The following TEX36 variants were observed in gnomAD, a reference collection of about 807,000 sequenced individuals.
The protein encoded by TEX36 is testis expressed 36.
TEX36 carries 12 observed loss-of-function variants against 13.6 expected under a neutral mutation model. The observed-to-expected ratio is 0.88, with a 90% CI of 0.56 to 1.43. TEX36 has a LOEUF of 1.43. Among genes scored for constraint, TEX36 ranks in the 40% most tolerant of loss-of-function variants. The pLI is 0.00. For synonymous variants in TEX36, 93 were observed against 83.0 expected, an observed-to-expected ratio of 1.12 and a Z score of -0.65; for missense variants, 224 against 228.3, an observed-to-expected ratio of 0.98 and a Z score of 0.12.
chr10:125,576,734 T>C, exon 4 of TEX36: 1 of 1,534,614 alleles, frequency 6.5e-7, no homozygotes, highest in Non-Finnish European at 8.7e-7. Flanking sequence ...TGACAGAAAC[T>C]TGCTCCCAAA....
Position 125,656,249 on chromosome 10 carries a change from C to CTTTT in TEX36, c.265-57_265-54dup, listed in dbSNP as rs66461124. The CTTTT allele has an allele frequency of 1.1e-3, 281 of 262,526 alleles. 1 individual carries two copies. The highest frequency in any genetic ancestry group is 1.6e-3 in the Middle Eastern group (1 of 622). 16.3% of individuals were successfully genotyped at this position (262,526 alleles called of 1,614,324 possible). On this transcript the variant is annotated intron_variant, in intron 3 of 3. Transcript: ENST00000368821. ...GGAAAATATTCAAGTTCACATAGTT[C>CTTTT]TTTTTTTTTTTTTTTTTTTTTTTTT...
At chr10:125,648,285 G>A (rs1446367772) in intron 3 of TEX36, among the ~76,000 whole-genome samples, 1 of 152,182 alleles carries the variant, frequency 6.6e-6, no homozygotes, top group Admixed American at 6.5e-5. Flanking sequence ...ATACAGTTGG[G>A]TGCCCCTCTG....
intron 3 of TEX36, chr10:125,640,234 G>A (rs908636023): frequency 1.0e-6 from 1 of 984,236 alleles, no homozygotes; most frequent in Admixed American, 6.2e-5. Context: ...AGGAGGAGAG[G>A]AAGAAGGGAA....
downstream of TEX36, among the ~76,000 whole-genome samples, chr10:125,655,211 G>A (rs996629789): frequency 3.2e-4 from 48 of 152,136 alleles, no homozygotes; most frequent in Admixed American, 2.1e-3. Context: ...TTGGGAGGCC[G>A]AGGTGGGAGG....
At chr10:125,586,636 A>AT (rs1845954213) in intron 3 of TEX36, among the ~76,000 whole-genome samples, 1 of 31,922 alleles carries the variant, frequency 3.1e-5, no homozygotes, top group Admixed American at 3.4e-4. Context: ...CTAAAAATCC[A>AT]AAAAAAAAAA....
intron 3 of TEX36, among the ~76,000 whole-genome samples, chr10:125,658,562 G>T (rs930532584): frequency 9.2e-5 from 14 of 151,924 alleles, no homozygotes; most frequent in African/African-American, 3.1e-4. Context: ...ACCAACAGGG[G>T]GGAATATATA....
Position 125,593,868 on chromosome 10 carries a change from T to C in TEX36, c.265-16994A>G, listed in dbSNP as rs887462414. 2.0e-5 allele frequency among the ~76,000 whole-genome samples: 3 copies of C among 152,326 alleles called. No homozygotes were observed. The East Asian group carries it at 5.8e-4, about 29-fold the overall frequency. The stretch of plus-strand genomic sequence containing the variant: ...TGATTGCACAATAATGTGAATATAC[T>C]TAAGGCCACTGGATTATACACTTAA... On this transcript the variant is annotated intron_variant, in intron 3 of 3. Coordinates refer to the TEX36 transcript ENST00000532135.
At chr10:125,628,597 T>C (rs1846515665) in intron 3 of TEX36, among the ~76,000 whole-genome samples, 1 of 152,200 alleles carries the variant, frequency 6.6e-6, no homozygotes, top group African/African-American at 2.4e-5. Flanking sequence ...AGGAAGGAAG[T>C]GTGGAATGGA....
exon 4 of TEX36, chr10:125,576,639 G>T (rs1487520202): frequency 8.9e-6 from 12 of 1,347,188 alleles, no homozygotes; most frequent in Non-Finnish European, 1.1e-5. Flanking sequence ...AAATCCTGGT[G>T]GTTACTAACT....
intron 3 of TEX36, among the ~76,000 whole-genome samples, chr10:125,591,806 C>T (rs1368532): frequency 0.42 from 63,581 of 151,900 alleles, 13,578 homozygotes; most frequent in East Asian, 0.62. Context: ...ACTCTGCTCT[C>T]GTCAACTTTT....
chr10:125,610,085 G>A (rs1354316629), intron 3 of TEX36, among the ~76,000 whole-genome samples: 1 of 152,210 alleles, frequency 6.6e-6, no homozygotes, highest in African/African-American at 2.4e-5. Context: ...GCAATAGCTG[G>A]AAGTTATCCT....
intron 3 of TEX36, among the ~76,000 whole-genome samples, chr10:125,631,632 G>GA (rs1238966457): frequency 6.6e-6 from 1 of 152,182 alleles, no homozygotes; most frequent in East Asian, 1.9e-4. Context: ...GATTGCACCT[G>GA]GGTCTTGAAT....
At chr10:125,626,492 C>T (rs1846492292) in intron 3 of TEX36, among the ~76,000 whole-genome samples, 1 of 152,196 alleles carries the variant, frequency 6.6e-6, no homozygotes, top group Non-Finnish European at 1.5e-5. Context: ...TTCATTTACT[C>T]CTCATCCAAC....
intron 3 of TEX36, among the ~76,000 whole-genome samples, chr10:125,639,091 A>T (rs1231087242): frequency 6.6e-6 from 1 of 152,234 alleles, no homozygotes; most frequent in East Asian, 1.9e-4. Flanking sequence ...AAAGAATTCA[A>T]ATGAATTCCT....
chr10:125,632,146 C>T (rs1846565121), intron 3 of TEX36, among the ~76,000 whole-genome samples: 1 of 151,946 alleles, frequency 6.6e-6, no homozygotes, highest in Non-Finnish European at 1.5e-5. Context: ...AGGCTTGGGG[C>T]TTTGGTGACT....
chr10:125,603,936 T>G (rs141942768), intron 3 of TEX36, among the ~76,000 whole-genome samples: 2 of 152,252 alleles, frequency 1.3e-5, no homozygotes, highest in East Asian at 3.9e-4. Context: ...GCTCTTGTAC[T>G]GCACTGTAAG....
rs529008277 is a variant in TEX36 at position 125,667,095 on chromosome 10, G to A, written c.52-5118C>T. 82 of 1,020,158 alleles carry A rather than the reference G, an allele frequency of 8.0e-5. 1 individual carries two copies. The highest frequency in any genetic ancestry group is 7.0e-4 in the Admixed American group (40 of 57,088). The allele number at this position is 1,020,158 out of a possible 1,614,324, so 63.2% of individuals were successfully genotyped here. A position where few individuals can be genotyped will look rare whatever the true frequency, so the allele number is the denominator to read the frequency against. ...GTCACAGGGAGCACTTGTTAATGGC[G>A]TTGAGGTTGATGGATGCCTCCTCCT... On this transcript the variant is annotated intron_variant, in intron 1 of 3. Transcript: ENST00000368821.
intron 3 of TEX36, among the ~76,000 whole-genome samples, chr10:125,613,237 C>A (rs943459506): frequency 8.4e-6 from 1 of 118,924 alleles, no homozygotes; most frequent in Non-Finnish European, 1.7e-5. Flanking sequence ...TTTTTTTTGA[C>A]ATCTTTTATT....
At chr10:125,610,925 C>T (rs1352567375) in intron 3 of TEX36, among the ~76,000 whole-genome samples, 2 of 152,106 alleles carry the variant, frequency 1.3e-5, no homozygotes, top group Non-Finnish European at 2.9e-5. Flanking sequence ...CCACCCATTG[C>T]CTCCTGACTG....
Sources: gnomAD v4.1 joint callset for allele counts (sites outside exome capture counted in the v4.1 genomes callset) on GRCh38, gnomAD v4.1.1 for gene constraint, MANE v1.5 for transcripts, NCBI Gene and HGNC (gene_info 2026-07-23, HGNC 2026-07-21) for gene names.